The following SBF2 variants were observed in gnomAD, a reference collection of about 807,000 sequenced individuals.
SBF2 encodes the protein SET binding factor 2.
In SBF2, 112 loss-of-function variants were observed where a neutral mutation model predicts 225.2. The ratio of observed to expected loss-of-function variants is 0.50; its 90% confidence interval spans 0.43 to 0.58. The LOEUF (loss-of-function observed/expected upper bound fraction) is 0.58. Ranked by LOEUF, SBF2 falls within the 20% of genes least tolerant of loss-of-function variation. SBF2 has a pLI of 0.00. For synonymous variants in SBF2, 763 were observed against 773.3 expected, an observed-to-expected ratio of 0.99 and a Z score of 0.22; for missense variants, 1,996 against 2,206.2, an observed-to-expected ratio of 0.90 and a Z score of 1.91.
Position 9,820,930 on chromosome 11 carries a change from G to C in SBF2, c.3794-3906C>G, listed in dbSNP as rs141518444. On this transcript the variant is annotated intron_variant, in intron 28 of 39. Transcript: ENST00000256190. ...TAAACTTATCCACAGGTAGCTACTG[G>C]TATGTTCACTTTACCTTACAGATGA... Among the ~76,000 whole-genome samples the C allele has an allele frequency of 2.7e-3, 414 of 152,296 alleles. 3 individuals carry two copies. The highest frequency in any genetic ancestry group is 9.2e-3 in the African/African-American group (383 of 41,548).
intron 17 of SBF2, among the ~76,000 whole-genome samples, chr11:9,861,130 A>C (rs1564926547): frequency 6.6e-6 from 1 of 152,212 alleles, no homozygotes; most frequent in African/African-American, 2.4e-5. Context: ...CTGACATCTG[A>C]AATGCTCCAA....
chr11:9,813,018 A>C (rs1326310365), intron 29 of SBF2, among the ~76,000 whole-genome samples: 1 of 152,210 alleles, frequency 6.6e-6, no homozygotes, highest in Non-Finnish European at 1.5e-5. Context: ...GATGGAGCTC[A>C]TAATACCAAA....
Position 9,838,961 on chromosome 11 carries a change from G to A in SBF2, c.3455+537C>T, listed in dbSNP as rs375187593. The A allele has an allele frequency of 3.6e-5, 6 of 168,482 alleles. No homozygotes were observed. The South Asian group carries it at 4.3e-4, about 12-fold the overall frequency. 10.4% of individuals were successfully genotyped at this position (168,482 alleles called of 1,614,324 possible). A position where few individuals can be genotyped will look rare whatever the true frequency, so the allele number is the denominator to read the frequency against. ...CCCTTGAAAACATTCCAATTAGACCGCATAAGAAAGCCTTGCCTACACCTG... is the reference window on the plus strand; with the variant it reads ...CCCTTGAAAACATTCCAATTAGACCACATAAGAAAGCCTTGCCTACACCTG... On this transcript the variant is annotated intron_variant, in intron 26 of 39. Coordinates refer to ENST00000256190, the MANE Select transcript of SBF2 (RefSeq NM_030962.4).
At position 10,061,210 on chromosome 11, in the gene SBF2, A is replaced by G. The variant is rs940970021; in HGVS notation, c.142-18229T>C. ...TATTGAAGGAACATACCTCAAAATA[A>G]TAAGAGCCATCTATGACAAACTCAC... is the stretch of plus-strand genomic sequence containing the variant. On this transcript the variant is annotated intron_variant, in intron 2 of 39. Coordinates refer to ENST00000256190, the MANE Select transcript of SBF2 (RefSeq NM_030962.4). Among the ~76,000 whole-genome samples the G allele has an allele frequency of 3.3e-5, 5 of 152,188 alleles. No individual in the cohort carries two copies. The East Asian group carries it at 5.8e-4, about 18-fold the overall frequency.
intron 16 of SBF2, among the ~76,000 whole-genome samples, chr11:9,943,765 T>A (rs1865415007): frequency 1.3e-5 from 2 of 152,146 alleles, no homozygotes; most frequent in African/African-American, 4.8e-5. Flanking sequence ...CAATAGAAAC[T>A]CTCATATATT....
intron 2 of SBF2, among the ~76,000 whole-genome samples, chr11:10,128,457 T>A (rs1953866596): frequency 6.6e-6 from 1 of 152,256 alleles, no homozygotes; most frequent in South Asian, 2.1e-4. Context: ...AAAAGATGAT[T>A]CTGCCTCCTT....
At chr11:10,007,636 T>C (rs1590741061) in intron 6 of SBF2, among the ~76,000 whole-genome samples, 1 of 152,132 alleles carries the variant, frequency 6.6e-6, no homozygotes, top group Non-Finnish European at 1.5e-5. Context: ...CTCTGGCTGG[T>C]TCGGGACACT....
At chr11:9,857,652 A>C (rs1857419643) in intron 18 of SBF2, among the ~76,000 whole-genome samples, 1 of 152,206 alleles carries the variant, frequency 6.6e-6, no homozygotes, top group Admixed American at 6.5e-5. Flanking sequence ...CTTGCCCCAA[A>C]CCAGAGAGCT....
rs1856242926 is a variant in SBF2 at position 9,842,629 on chromosome 11, T to G, written c.3252A>C (p.Val1084=). 1 of 1,613,880 alleles carries G rather than the reference T, an allele frequency of 6.2e-7. No homozygotes were observed. The highest frequency in any genetic ancestry group is 1.3e-5 in the African/African-American group (1 of 74,938). Residue 1084 remains valine, a synonymous_variant, in exon 25 of 40, where the codon GTA becomes GTC. Transcript: ENST00000256190. ...GAAATTCAAGTTTTCACATACCAGA[T>G]ACATCATCATCTTCATTCCATCCAG... ...NRPGWNEDDD[V]SVSDESELPT... is the part of the protein sequence containing the mutation.
chr11:10,039,352 AT>A (rs1399557075), intron 3 of SBF2, among the ~76,000 whole-genome samples: 2 of 150,632 alleles, frequency 1.3e-5, no homozygotes, highest in Admixed American at 6.6e-5. Flanking sequence ...TCTGGGTTCT[AT>A]TTTTTTTTCA....
At chr11:9,952,778 G>A (rs763237787) in intron 16 of SBF2, among the ~76,000 whole-genome samples, 1 of 152,012 alleles carries the variant, frequency 6.6e-6, no homozygotes, top group Non-Finnish European at 1.5e-5. Flanking sequence ...TCACTAATAT[G>A]GAAATATTCC....
At chr11:10,173,019 T>C (rs1000309436) in intron 2 of SBF2, among the ~76,000 whole-genome samples, 4 of 152,208 alleles carry the variant, frequency 2.6e-5, no homozygotes, top group East Asian at 1.9e-4. Flanking sequence ...CAGCAGCATA[T>C]TGTTTAATTT....
intron 18 of SBF2, among the ~76,000 whole-genome samples, chr11:9,857,078 C>T (rs745580817): frequency 1.2e-4 from 19 of 152,192 alleles, no homozygotes; most frequent in Non-Finnish European, 1.6e-4. Context: ...TGAGCAACCG[C>T]GCCCGGCCTA....
At chr11:9,977,934 G>A (rs1238509004) in intron 13 of SBF2, among the ~76,000 whole-genome samples, 1 of 152,106 alleles carries the variant, frequency 6.6e-6, no homozygotes, top group African/African-American at 2.4e-5. Flanking sequence ...GCTTCAAAGG[G>A]AAATGAAAAG....
upstream of SBF2, among the ~76,000 whole-genome samples, chr11:10,298,963 A>G (rs1239145574): frequency 3.9e-5 from 6 of 152,186 alleles, no homozygotes; most frequent in African/African-American, 1.4e-4. Context: ...ACCTGTCTCA[A>G]AATTAAATTT....
At chr11:10,165,845 T>C (rs1374639457) in intron 2 of SBF2, among the ~76,000 whole-genome samples, 2 of 152,216 alleles carry the variant, frequency 1.3e-5, no homozygotes, top group Admixed American at 1.3e-4. Context: ...TGTATTTTAA[T>C]ACAAATTTAG....
At chr11:9,810,450 T>C (rs898465523) in intron 30 of SBF2, 2 of 152,188 alleles carry the variant, frequency 1.3e-5, no homozygotes, top group Admixed American at 6.5e-5. Flanking sequence ...ATGTATAACA[T>C]TGTAATTTTA....
At chr11:10,173,816 G>A (rs1956329310) in intron 2 of SBF2, among the ~76,000 whole-genome samples, 2 of 149,996 alleles carry the variant, frequency 1.3e-5, no homozygotes, top group Admixed American at 1.3e-4. Context: ...GGAGATCTGA[G>A]AACAGGCAGA....
At chr11:9,855,991 G>A (rs183025618) in intron 19 of SBF2, among the ~76,000 whole-genome samples, 5 of 152,210 alleles carry the variant, frequency 3.3e-5, no homozygotes, top group Non-Finnish European at 7.3e-5. Flanking sequence ...GACGGATTCC[G>A]TTAGGCCTTG....
Sources: allele counts gnomAD v4.1 joint callset (sites outside exome capture counted in the v4.1 genomes callset), GRCh38; gene constraint gnomAD v4.1.1; transcripts MANE v1.5; gene names NCBI Gene and HGNC (gene_info 2026-07-23, HGNC 2026-07-21).